Variants in SLC2A6 observed in about 807,000 individuals in gnomAD.
SLC2A6 encodes the protein solute carrier family 2, facilitated glucose transporter member 6.
Under a neutral mutation model 47.8 loss-of-function variants are expected in SLC2A6, and 39 were observed. The ratio of observed to expected loss-of-function variants is 0.82; its 90% CI spans 0.63 to 1.07. SLC2A6 has a LOEUF of 1.07. Ranked by LOEUF, SLC2A6 falls within the 50% of genes least tolerant of loss-of-function variation. The pLI, the probability that SLC2A6 is intolerant of heterozygous loss-of-function variation, is 0.00. For synonymous variants in SLC2A6, 346 were observed against 324.1 expected, an observed-to-expected ratio of 1.07 and a Z score of -0.73; for missense variants, 650 against 707.6, an observed-to-expected ratio of 0.92 and a Z score of 0.92.
Position 133,478,283 on chromosome 9 carries a change from G to C in SLC2A6, c.226C>G (p.Leu76Val), listed in dbSNP as rs782212568. 2.1e-5 allele frequency: 34 copies of C among 1,614,072 alleles called. No homozygotes were observed. Among genetic ancestry groups the C allele is most frequent in the Non-Finnish European group, 2.9e-5 (34 of 1,180,006 alleles). Reference sequence around the variant, plus strand: ...AACCAGGATGCCTGGGATTTGGTCAGATGCAGGTCAGGATCCAAGGAGCGC... The same window carrying C: ...AACCAGGATGCCTGGGATTTGGTCACATGCAGGTCAGGATCCAAGGAGCGC... ...LERSLDPDLHLTKSQASWFGS... is the reference protein window; with the variant it reads ...LERSLDPDLHVTKSQASWFGS... Residue 76 changes from leucine to valine, a missense_variant, in exon 2 of 10, where the codon CTG becomes GTG. Transcript: ENST00000371899.
At chr9:133,474,814 C>A in intron 6 of SLC2A6, 147 bp downstream of exon 6, 2 of 710,542 alleles carry the variant, frequency 2.8e-6, no homozygotes, top group Non-Finnish European at 4.2e-6. Context: ...GATCTCAGAT[C>A]TTGCTGTGGC....
intron 9 of SLC2A6, among the ~76,000 whole-genome samples, chr9:133,472,883 C>G (rs1843783885): frequency 6.6e-6 from 1 of 152,176 alleles, no homozygotes; most frequent in Non-Finnish European, 1.5e-5. Context: ...CTTCCCAGAA[C>G]AGTTGCCTAC....
rs782783651 is a variant in SLC2A6, at chr9:133,479,086, A to T, written c.-27T>A. ...GCCGGGTCTCTCTCGGGGCGAGCGG[A>T]GGGCGCTCAGACTGGAGCAGCCGCC... On this transcript the variant is annotated 5_prime_UTR_variant, in exon 1 of 10. Transcript: ENST00000371899. 14 of 1,561,222 alleles carry T rather than the reference A, an allele frequency of 9.0e-6. No individual in the cohort carries two copies. In the South Asian group the frequency reaches 1.5e-4, roughly 17 times the overall value.
At position 133,473,452 on chromosome 9, in the gene SLC2A6, G is replaced by C. The variant is rs782329302; in HGVS notation, c.1185C>G (p.Thr395=). The C allele has an allele frequency of 6.2e-7, 1 of 1,606,164 alleles. No homozygotes were observed. Among genetic ancestry groups the C allele is most frequent in the Non-Finnish European group, 8.5e-7 (1 of 1,177,632 alleles). ...QPLAAPAGYL[T]LVPLLATMLF... is the part of the protein sequence containing the mutation. ...GCATGGTGGCCAGCAGGGGCACCAG[G>C]GTGAGGTAGCCAGCGGGTGCTGCCA... is the stretch of plus-strand genomic sequence containing the variant. Residue 395 remains threonine, a synonymous_variant, in exon 8 of 10, where the codon ACC becomes ACG. Transcript: ENST00000371899.
rs183931551 is a variant in SLC2A6 at position 133,473,665 on chromosome 9, C to A, written c.1037-65G>T. ...TGAGCCAGCTGTTTCTCTCAGAGCT[C>A]CTTCTGCAGAGCCCCTTGATACTTG... On this transcript the variant is annotated intron_variant, in intron 7 of 9. Transcript: ENST00000371899. The A allele has an allele frequency of 4.6e-5, 65 of 1,421,346 alleles. No homozygotes were observed. In the South Asian group the frequency reaches 4.6e-4, roughly 10 times the overall value. 88.0% of individuals were successfully genotyped at this position (1,421,346 alleles called of 1,614,324 possible). A position where few individuals can be genotyped will look rare whatever the true frequency, so the allele number is the denominator to read the frequency against.
rs782100706 is a variant in SLC2A6, at chr9:133,478,956, A to G, written c.92+12T>C. ...AGGCCCCACCCGCAGCCCCCAACCTAGCGACTCTCACCCGACCCGCGCCCT... is the reference window on the plus strand; with the variant it reads ...AGGCCCCACCCGCAGCCCCCAACCTGGCGACTCTCACCCGACCCGCGCCCT... On this transcript the variant is annotated intron_variant, in intron 1 of 9. Transcript: ENST00000371899. The G allele has an allele frequency of 1.3e-6, 2 of 1,560,720 alleles. No individual in the cohort carries two copies. The highest frequency in any genetic ancestry group is 1.8e-5 in the Admixed American group (1 of 54,702).
At chr9:133,472,520 C>G (rs999959461) in intron 9 of SLC2A6, among the ~76,000 whole-genome samples, 3 of 152,110 alleles carry the variant, frequency 2.0e-5, no homozygotes, top group Non-Finnish European at 4.4e-5. Context: ...CTGGTGGGCA[C>G]GCAGGTTCTT....
At position 133,473,977 on chromosome 9, in the gene SLC2A6, T is replaced by C. The variant is rs947112232; in HGVS notation, c.1036+3A>G. ...GCAGGAGGGCTGCCTGCAGGGTGCT[T>C]ACCTGAGACGAAGAGCAGCACCTTG... On this transcript the variant is annotated splice_donor_region_variant and intron_variant, in intron 7 of 9. Transcript: ENST00000371899. 1 of 1,602,612 alleles carries C rather than the reference T, an allele frequency of 6.2e-7. No homozygotes were observed.
In SLC2A6 at chr9:133,474,323, C is replaced by T. The variant is rs587712755; in HGVS notation, c.928-235G>A. Reference sequence around the variant, plus strand: ...ATGCCCAGCTGGCACAGAATCCAGGCGTGATGATGACTTGCTGAACCGTGC... The same window carrying T: ...ATGCCCAGCTGGCACAGAATCCAGGTGTGATGATGACTTGCTGAACCGTGC... On this transcript the variant is annotated intron_variant, in intron 6 of 9. Coordinates refer to ENST00000371899, the MANE Select transcript of SLC2A6 (RefSeq NM_017585.4). Among the ~76,000 whole-genome samples, 7 of 152,364 alleles carry T rather than the reference C, an allele frequency of 4.6e-5. No individual in the cohort carries two copies. In the South Asian group the frequency reaches 8.3e-4, roughly 18 times the overall value.
In SLC2A6 at chr9:133,473,665, C is replaced by G. The variant is rs183931551; in HGVS notation, c.1037-65G>C. ...TGAGCCAGCTGTTTCTCTCAGAGCT[C>G]CTTCTGCAGAGCCCCTTGATACTTG... On this transcript the variant is annotated intron_variant, in intron 7 of 9. Coordinates refer to ENST00000371899, the MANE Select transcript of SLC2A6 (RefSeq NM_017585.4). 1.9e-5 allele frequency: 27 copies of G among 1,421,346 alleles called. No homozygotes were observed. In the Admixed American group the frequency reaches 3.2e-4, roughly 17 times the overall value. 88.0% of individuals were successfully genotyped at this position (1,421,346 alleles called of 1,614,324 possible).
At chr9:133,476,062 C>T (rs1843934560) in intron 4 of SLC2A6, 175 bp downstream of exon 4, 3 of 574,698 alleles carry the variant, frequency 5.2e-6, no homozygotes, top group Non-Finnish European at 9.1e-6. Context: ...GAGGGGCAGG[C>T]CCTGCCTGGA....
rs781799399 is a variant in SLC2A6 at position 133,475,504 on chromosome 9, G to T, written c.670C>A (p.Arg224=). ...MPNSPRFLLS[R]GRDEEALRAL... ...CGCAGGGCCTCTTCGTCCCTGCCCC[G>T]AGAGAGCAGGAAGCGCGGCGAGTTG... The change falls in exon 5 of 10, where the codon CGG becomes AGG. Residue 224 remains arginine (R), a synonymous_variant. Transcript: ENST00000371899. The T allele has an allele frequency of 6.2e-7, 1 of 1,611,586 alleles. No homozygotes were observed. Among genetic ancestry groups the T allele is most frequent in the Non-Finnish European group, 8.5e-7 (1 of 1,179,900 alleles).
At chr9:133,476,402 G>A (rs782431694) in intron 3 of SLC2A6, 66 bp from the exon 4 acceptor site, 1 of 1,400,236 alleles carries the variant, frequency 7.1e-7, no homozygotes, top group Non-Finnish European at 1.0e-6. Flanking sequence ...GGCCGAGATG[G>A]GAGAGTCAGC....
chr9:133,478,959 G>C lies in SLC2A6; in HGVS notation c.92+9C>G. 6.4e-7 allele frequency: 1 copy of C among 1,565,508 alleles called. No individual in the cohort carries two copies. Among genetic ancestry groups the C allele is most frequent in the South Asian group, 1.2e-5 (1 of 86,018 alleles). On this transcript the variant is annotated intron_variant, in intron 1 of 9. Transcript: ENST00000371899. ...CCCCACCCGCAGCCCCCAACCTAGC[G>C]ACTCTCACCCGACCCGCGCCCTGTC...
At chr9:133,476,369 T>C (rs1409643007) in intron 3 of SLC2A6, 33 bp from the exon 4 acceptor site, 1 of 1,582,590 alleles carries the variant, frequency 6.3e-7, no homozygotes, top group East Asian at 2.2e-5. Context: ...CAGGTTTTGC[T>C]GAAAATACTG....
At chr9:133,472,472 G>A (rs1048185228) in intron 9 of SLC2A6, among the ~76,000 whole-genome samples, 1 of 152,056 alleles carries the variant, frequency 6.6e-6, no homozygotes, top group Non-Finnish European at 1.5e-5. Flanking sequence ...CATCCCAGCT[G>A]TTCCATGCCG....
rs1470951862 is a variant in SLC2A6, at chr9:133,473,493, C to A, written c.1144G>T (p.Asp382Tyr). The A allele has an allele frequency of 1.0e-5, 16 of 1,601,764 alleles. No individual in the cohort carries two copies. The highest frequency in any genetic ancestry group is 1.3e-5 in the Non-Finnish European group (15 of 1,175,778). Residue 382 changes from aspartate (D) to tyrosine (Y), a missense_variant, in exon 8 of 10, where the codon GAC becomes TAC. Asp to Tyr is a radical substitution (Grantham distance 160). Coordinates refer to ENST00000371899, the MANE Select transcript of SLC2A6 (RefSeq NM_017585.4). Reference sequence around the variant, plus strand: ...GGTGCTGCCAGGGGCTGCGCCAAGTCCCCCCAGGACTCGCTTTCCAGGCCC... The same window carrying A: ...GGTGCTGCCAGGGGCTGCGCCAAGTACCCCCAGGACTCGCTTTCCAGGCCC... ...TAGLESESWG[D>Y]LAQPLAAPAG...
intron 2 of SLC2A6, among the ~76,000 whole-genome samples, chr9:133,477,795 T>C (rs1016896300): frequency 2.6e-5 from 4 of 152,266 alleles, no homozygotes; most frequent in Admixed American, 2.6e-4. Flanking sequence ...ATTTTTATCT[T>C]AACTACTATG....
intron 4 of SLC2A6, 58 bp downstream of exon 4, chr9:133,476,179 C>A: frequency 7.3e-7 from 1 of 1,366,692 alleles, no homozygotes; most frequent in Non-Finnish European, 1.0e-6. Flanking sequence ...CCACGTCTAC[C>A]TTGGCGGCAC....
Sources: gnomAD v4.1 joint callset for allele counts (sites outside exome capture counted in the v4.1 genomes callset) on GRCh38, gnomAD v4.1.1 for gene constraint, MANE v1.5 for transcripts, NCBI Gene and HGNC (gene_info 2026-07-23, HGNC 2026-07-21) for gene names.